Variants in ADCY2 observed in about 807,000 individuals in gnomAD.
The protein encoded by ADCY2 is adenylate cyclase 2.
A neutral mutation model predicts 125.2 loss-of-function variants in ADCY2; 31 were observed. The ratio of observed to expected loss-of-function variants is 0.25; its 90% CI spans 0.19 to 0.33. The LOEUF is 0.33. ADCY2 is among the 10% of genes least tolerant of loss of function. The probability of loss-of-function intolerance (pLI) is 1.00; values close to 1 mark genes in which losing one functional copy is unlikely to be tolerated. For synonymous variants in ADCY2, 512 were observed against 548.4 expected (o/e 0.93, Z 0.93); for missense variants, 904 against 1,418.2 (o/e 0.64, Z 5.82).
chr5:7,427,268 C>G (rs192167586), intron 2 of ADCY2, among the ~76,000 whole-genome samples: 1 of 152,148 alleles, frequency 6.6e-6, no homozygotes, highest in Non-Finnish European at 1.5e-5. Flanking sequence ...TAGGAGCCCA[C>G]CTGTATTAGT....
At chr5:7,586,143 T>A (rs990570021) in intron 3 of ADCY2, among the ~76,000 whole-genome samples, 2 of 152,210 alleles carry the variant, frequency 1.3e-5, no homozygotes, top group Non-Finnish European at 2.9e-5. Context: ...TTTCCCTGTA[T>A]CATGACTGGT....
chr5:7,565,557 C>T (rs926354648), intron 3 of ADCY2, among the ~76,000 whole-genome samples: 8 of 152,184 alleles, frequency 5.3e-5, no homozygotes, highest in Non-Finnish European at 1.2e-4. Flanking sequence ...CTGTGGCAAT[C>T]CCAAAGTTCA....
At chr5:7,431,527 AT>A (rs1343219685) in intron 2 of ADCY2, among the ~76,000 whole-genome samples, 7 of 52,236 alleles carry the variant, frequency 1.3e-4, no homozygotes, top group Admixed American at 5.6e-4. Context: ...GGTGGGAACT[AT>A]TAAAAAAAAA....
At chr5:7,635,971 G>T (rs1181582477) in intron 4 of ADCY2, among the ~76,000 whole-genome samples, 2 of 152,176 alleles carry the variant, frequency 1.3e-5, no homozygotes, top group Non-Finnish European at 1.5e-5. Flanking sequence ...CTCACAGACA[G>T]CCTGATACCT....
intron 4 of ADCY2, among the ~76,000 whole-genome samples, chr5:7,675,094 C>T (rs1366004318): frequency 6.6e-6 from 1 of 151,000 alleles, no homozygotes; most frequent in Non-Finnish European, 1.5e-5. Context: ...GGCAGCAGAG[C>T]TCGCAGTGAG....
chr5:7,539,639 T>C (rs1452802190), intron 3 of ADCY2, among the ~76,000 whole-genome samples: 1 of 152,206 alleles, frequency 6.6e-6, no homozygotes, highest in Non-Finnish European at 1.5e-5. Flanking sequence ...AATGGAAGAT[T>C]TGTGCATGTT....
intron 4 of ADCY2, among the ~76,000 whole-genome samples, chr5:7,644,701 C>T (rs1017729377): frequency 2.6e-5 from 4 of 152,162 alleles, no homozygotes; most frequent in African/African-American, 9.6e-5. Context: ...CCCACCCAAA[C>T]TCTAAACCTC....
intron 7 of ADCY2, among the ~76,000 whole-genome samples, chr5:7,699,917 A>G (rs1325882370): frequency 6.6e-6 from 1 of 152,190 alleles, no homozygotes. Flanking sequence ...CTTAGACTAC[A>G]GTGAAACTGA....
At chr5:7,463,618 TAAAA>T (rs33927169) in intron 2 of ADCY2, among the ~76,000 whole-genome samples, 6 of 102,548 alleles carry the variant, frequency 5.9e-5, no homozygotes, top group Non-Finnish European at 4.4e-5. Flanking sequence ...AGGTGATAGA[TAAAA>T]AAAAAAAAAA....
At chr5:7,537,629 C>T (rs561611928) in intron 3 of ADCY2, among the ~76,000 whole-genome samples, 73 of 152,328 alleles carry the variant, frequency 4.8e-4, no homozygotes, top group African/African-American at 1.6e-3. Flanking sequence ...TGGGGAGCTG[C>T]GGGAACCCCC....
chr5:7,758,347 C>T (rs375034183), intron 16 of ADCY2, among the ~76,000 whole-genome samples: 52 of 152,230 alleles, frequency 3.4e-4, no homozygotes, highest in African/African-American at 8.4e-4. Flanking sequence ...CTTTGAGACA[C>T]GTCCTTATTG....
chr5:7,547,480 G>A (rs975991859), intron 3 of ADCY2, among the ~76,000 whole-genome samples: 3 of 152,168 alleles, frequency 2.0e-5, no homozygotes, highest in African/African-American at 4.8e-5. Flanking sequence ...GAGGACACAC[G>A]CTGGCAGATG....
At chr5:7,707,865 A>C in intron 9 of ADCY2, 27 bp downstream of exon 9, 1 of 1,604,810 alleles carries the variant, frequency 6.2e-7, no homozygotes, top group Non-Finnish European at 8.5e-7. Flanking sequence ...AGAGTCTATG[A>C]TGAAAAGGGA....
At chr5:7,572,535 C>A (rs1736098845) in intron 3 of ADCY2, among the ~76,000 whole-genome samples, 2 of 152,040 alleles carry the variant, frequency 1.3e-5, no homozygotes, top group South Asian at 4.1e-4. Flanking sequence ...CTTATAGATG[C>A]TGGTTATTAG....
chr5:7,402,379 G>C (rs1739295114), intron 1 of ADCY2, among the ~76,000 whole-genome samples: 1 of 152,214 alleles, frequency 6.6e-6, no homozygotes, highest in Non-Finnish European at 1.5e-5. Flanking sequence ...AGGATGAAGA[G>C]AGGGTTAGGA....
Position 7,573,292 on chromosome 5 carries a change from C to T in ADCY2, c.570+52393C>T, listed in dbSNP as rs115064505. On this transcript the variant is annotated intron_variant, in intron 3 of 24. Coordinates refer to ENST00000338316, the MANE Select transcript of ADCY2 (RefSeq NM_020546.3). ...AGTGAAGCTTGTTTTCTTTAAAATT[C>T]ACCTTTTGAAATTAGTGATATAACA... 2.0e-3 allele frequency among the ~76,000 whole-genome samples: 309 copies of T among 152,234 alleles called. 1 individual carries two copies. Among genetic ancestry groups the T allele is most frequent in the Middle Eastern group, 6.8e-3 (2 of 294 alleles).
chr5:7,772,772 G>A (rs1743593674), intron 17 of ADCY2, among the ~76,000 whole-genome samples, 160 bp from the exon 18 acceptor site: 1 of 151,020 alleles, frequency 6.6e-6, no homozygotes, highest in South Asian at 2.1e-4. Flanking sequence ...AACATATCCA[G>A]GCATTTACCA....
At position 7,581,547 on chromosome 5, in the gene ADCY2, C is replaced by T. The variant is rs185411462; in HGVS notation, c.571-44620C>T. Among the ~76,000 whole-genome samples the T allele has an allele frequency of 1.3e-3, 196 of 151,944 alleles. 1 individual carries two copies. The highest frequency in any genetic ancestry group is 4.2e-3 in the African/African-American group (175 of 41,446). ...GTAGAGAAAGAGAAACGGCCAGGTG[C>T]GGTGGCTCACACCTGTAATCCTAGC... On this transcript the variant is annotated intron_variant, in intron 3 of 24. Coordinates refer to ENST00000338316, the MANE Select transcript of ADCY2 (RefSeq NM_020546.3).
intron 14 of ADCY2, among the ~76,000 whole-genome samples, chr5:7,728,846 G>A (rs761536067): frequency 7.9e-5 from 12 of 152,122 alleles, no homozygotes; most frequent in Non-Finnish European, 1.2e-4. Context: ...GTGACTGGGG[G>A]CATTTTAAAA....
Sources: allele counts gnomAD v4.1 joint callset (sites outside exome capture counted in the v4.1 genomes callset), GRCh38; gene constraint gnomAD v4.1.1; transcripts MANE v1.5; gene names NCBI Gene and HGNC (gene_info 2026-07-23, HGNC 2026-07-21).